CEP192: variants seen among roughly 807,000 people sequenced by gnomAD.
CEP192 encodes centrosomal protein 192.
A neutral mutation model predicts 271.8 loss-of-function variants in CEP192; 151 were observed. The observed-to-expected ratio is 0.56, with a 90% CI of 0.49 to 0.64. CEP192 has a LOEUF of 0.64. CEP192 is among the 30% of genes least tolerant of loss of function. The probability of loss-of-function intolerance (pLI) is 0.00; values close to 1 mark genes in which losing one functional copy is unlikely to be tolerated. For synonymous variants in CEP192, 995 were observed against 1,076.5 expected, an observed-to-expected ratio of 0.92 and a Z score of 1.48; for missense variants, 2,910 against 3,020.5, an observed-to-expected ratio of 0.96 and a Z score of 0.86.
chr18:13,021,309 T>A (rs997135871), intron 9 of CEP192, among the ~76,000 whole-genome samples: 1 of 152,246 alleles, frequency 6.6e-6, no homozygotes, highest in Admixed American at 6.5e-5. Flanking sequence ...GGTAAGGGTC[T>A]AACTAACATC....
In CEP192 at chr18:13,068,836, A is replaced by G. The variant is rs2037853334; in HGVS notation, c.4823-16A>G. 6.2e-7 allele frequency: 1 copy of G among 1,614,042 alleles called. No individual in the cohort carries two copies. Among genetic ancestry groups the G allele is most frequent in the Non-Finnish European group, 8.5e-7 (1 of 1,180,010 alleles). On this transcript the variant is annotated splice_polypyrimidine_tract_variant and intron_variant, in intron 24 of 44. Coordinates refer to ENST00000506447, the MANE Select transcript of CEP192 (RefSeq NM_032142.4). ...ACTCTCTGGTCTCCAAGCTAAAAGA[A>G]TGAACTTTTTTTTAGATATTCTGGA...
In CEP192 at chr18:13,049,797, CG is replaced by C; in HGVS notation, c.2924del (p.Arg975LeufsTer17). On this transcript the variant is annotated frameshift_variant, in exon 17 of 45. Transcript: ENST00000506447. LOFTEE classifies it high-confidence loss of function. ...AAATACCTCTCCTGAGCATGGTGGA[CG>C]TGGCTCAGAGGATGAGCAGGAGAGC... ...LKNTSPEHGG[R>X]GSEDEQESFR... 6.2e-7 allele frequency: 1 copy of C among 1,613,712 alleles called. No homozygotes were observed. Among genetic ancestry groups the C allele is most frequent in the Non-Finnish European group, 8.5e-7 (1 of 1,179,850 alleles).
intron 1 of CEP192, among the ~76,000 whole-genome samples, chr18:12,996,482 C>T (rs557518363): frequency 2.6e-5 from 4 of 152,044 alleles, no homozygotes; most frequent in Admixed American, 6.5e-5. Context: ...GTTGTGGAGG[C>T]GGTTGAATAC....
chr18:13,078,583 C>T (rs1459577999), intron 30 of CEP192, among the ~76,000 whole-genome samples: 1 of 152,136 alleles, frequency 6.6e-6, no homozygotes, highest in Non-Finnish European at 1.5e-5. Context: ...TCCATATCCT[C>T]TCCAGCATCT....
At chr18:13,088,281 C>G (rs2038987013) in intron 32 of CEP192, among the ~76,000 whole-genome samples, 1 of 151,932 alleles carries the variant, frequency 6.6e-6, no homozygotes, top group African/African-American at 2.4e-5. Flanking sequence ...GACCTTGTCT[C>G]TAGAAAAGAA....
At chr18:13,022,690 T>C (rs1159969707) in intron 9 of CEP192, among the ~76,000 whole-genome samples, 1 of 152,198 alleles carries the variant, frequency 6.6e-6, no homozygotes, top group Non-Finnish European at 1.5e-5. Context: ...CTGTGTAATC[T>C]TTAGAATCAG....
At chr18:13,046,777 G>T (rs1240172761) in intron 15 of CEP192, among the ~76,000 whole-genome samples, 1 of 147,638 alleles carries the variant, frequency 6.8e-6, no homozygotes, top group Non-Finnish European at 1.5e-5. Flanking sequence ...TAAATAACCA[G>T]TATTTCTGAT....
chr18:13,067,583 A>T (rs2037778788), intron 21 of CEP192, among the ~76,000 whole-genome samples: 1 of 152,242 alleles, frequency 6.6e-6, no homozygotes, highest in Admixed American at 6.5e-5. Context: ...ATCTTAAGAT[A>T]CAGTCTTTTC....
Position 12,991,379 on chromosome 18 carries a change from C to T in CEP192, c.-63C>T, listed in dbSNP as rs1474192293. On this transcript the variant is annotated 5_prime_UTR_variant, in exon 1 of 45. Coordinates refer to ENST00000506447, the MANE Select transcript of CEP192 (RefSeq NM_032142.4). Reference sequence around the variant, plus strand: ...GCACTTGCAGTGCCCTGGGACACCTCTTCAGTCCGTGGACTTTCCCGCTGC... The same window carrying T: ...GCACTTGCAGTGCCCTGGGACACCTTTTCAGTCCGTGGACTTTCCCGCTGC... 3.3e-5 allele frequency: 5 copies of T among 152,540 alleles called. No homozygotes were observed. In the East Asian group the frequency reaches 9.6e-4, roughly 29 times the overall value. The allele number at this position is 152,540 out of a possible 1,614,324, so 9.4% of individuals were successfully genotyped here.
At chr18:12,993,544 A>G (rs12605638) in intron 1 of CEP192, among the ~76,000 whole-genome samples, 107,407 of 152,180 alleles carry the variant, frequency 0.71, 39,129 homozygotes, top group African/African-American at 0.89. Flanking sequence ...ATTCACATGC[A>G]TGGTCATAGC....
At chr18:13,122,822 T>C (rs1197346821) in intron 44 of CEP192, among the ~76,000 whole-genome samples, 5 of 117,482 alleles carry the variant, frequency 4.3e-5, no homozygotes, top group African/African-American at 1.4e-4. Flanking sequence ...ACTTTCCTGC[T>C]ACCTTTTCCC....
chr18:13,018,704 A>C, intron 8 of CEP192, 89 bp downstream of exon 8: 2 of 956,742 alleles, frequency 2.1e-6, no homozygotes, highest in South Asian at 4.3e-5. Context: ...GGTATGATTT[A>C]GCATATATTA....
chr18:13,020,594 G>A (rs1399468591), intron 9 of CEP192, among the ~76,000 whole-genome samples: 1 of 152,106 alleles, frequency 6.6e-6, no homozygotes, highest in Non-Finnish European at 1.5e-5. Context: ...TATATATGTA[G>A]GAGTGAAATT....
chr18:13,056,670 A>G lies in CEP192; in HGVS notation c.4080A>G (p.Pro1360=), dbSNP rs536628914. ...TTGGTACAAACTGTGGAATTGAACCATGGGATTCAGGAGTGACATCAGGAT... is the reference window on the plus strand; with the variant it reads ...TTGGTACAAACTGTGGAATTGAACCGTGGGATTCAGGAGTGACATCAGGAT... ...PSVGTNCGIE[P]WDSGVTSGLG... The change falls in exon 19 of 45, where the codon CCA becomes CCG. Residue 1360 remains proline, a synonymous_variant. Transcript: ENST00000506447. 1.9e-6 allele frequency: 3 copies of G among 1,609,786 alleles called. No homozygotes were observed. Among genetic ancestry groups the G allele is most frequent in the South Asian group, 1.1e-5 (1 of 90,232 alleles).
At chr18:13,074,189 CAA>C (rs980467144) in intron 30 of CEP192, among the ~76,000 whole-genome samples, 1 of 152,158 alleles carries the variant, frequency 6.6e-6, no homozygotes, top group African/African-American at 2.4e-5. Flanking sequence ...ACAAGATTAA[CAA>C]TATCTAAAAG....
chr18:13,103,756 A>T, intron 39 of CEP192, 168 bp downstream of exon 39: 3 of 658,616 alleles, frequency 4.6e-6, no homozygotes, highest in Non-Finnish European at 8.3e-6. Context: ...AGTGGTATGA[A>T]CACTGCTCAC....
intron 15 of CEP192, among the ~76,000 whole-genome samples, chr18:13,044,402 T>G (rs2036368732): frequency 6.6e-6 from 1 of 151,492 alleles, no homozygotes; most frequent in South Asian, 2.1e-4. Context: ...ATCTTTCAAT[T>G]TGATGCATGG....
At chr18:13,068,640 T>G (rs1366893830) in intron 24 of CEP192, among the ~76,000 whole-genome samples, 1 of 152,240 alleles carries the variant, frequency 6.6e-6, no homozygotes, top group East Asian at 1.9e-4. Flanking sequence ...TTAGAATATT[T>G]TCTGTTAATT....
At position 13,052,973 on chromosome 18, in the gene CEP192, G is replaced by C; in HGVS notation, c.3072G>C (p.Glu1024Asp). The change falls in exon 18 of 45, where the codon GAG (glutamate) becomes GAC (aspartate). Residue 1024 changes from glutamate to aspartate, a missense_variant. Transcript: ENST00000506447. ...CTCAGCAGCAGCAGCCTCCCTGTGAGCAGGAGTTGTCTCCCTTGGTGTGCT... is the reference window on the plus strand; with the variant it reads ...CTCAGCAGCAGCAGCCTCCCTGTGACCAGGAGTTGTCTCCCTTGGTGTGCT... The part of the protein sequence containing the change: ...SAAQQQQPPC[E>D]QELSPLVCSP... 1 of 1,613,704 alleles carries C rather than the reference G, an allele frequency of 6.2e-7. No individual in the cohort carries two copies. Among genetic ancestry groups the C allele is most frequent in the Non-Finnish European group, 8.5e-7 (1 of 1,179,748 alleles).
Sources: allele counts gnomAD v4.1 joint callset (sites outside exome capture counted in the v4.1 genomes callset), GRCh38; gene constraint gnomAD v4.1.1; transcripts MANE v1.5; gene names NCBI Gene and HGNC (gene_info 2026-07-23, HGNC 2026-07-21).